The following NSD1 variants were observed in gnomAD, a reference collection of about 807,000 sequenced individuals.
NSD1 encodes the protein histone-lysine N-methyltransferase, H3 lysine-36 specific.
A neutral mutation model predicts 242.7 loss-of-function variants in NSD1; 26 were observed. The ratio of observed to expected loss-of-function variants is 0.11; its 90% confidence interval spans 0.08 to 0.15. NSD1 has a LOEUF of 0.15. NSD1 is among the 10% of genes least tolerant of loss of function. The pLI is 1.00. For synonymous variants in NSD1, 1,106 were observed against 1,178.1 expected, an observed-to-expected ratio of 0.94 and a Z score of 1.25; for missense variants, 2,495 against 3,272.8, an observed-to-expected ratio of 0.76 and a Z score of 5.80.
Position 177,235,887 on chromosome 5 carries a change from A to G in NSD1, c.3863A>G (p.Tyr1288Cys). ...SKWLLEYTEE[Y>C]DQIFAPKKKQ... is the part of the protein sequence containing the mutation. Reference sequence around the variant, plus strand: ...TGGCTTTTGGAATATACAGAAGAATATGATCAGATATTTGCTCCTAAGAAA... The same window carrying G: ...TGGCTTTTGGAATATACAGAAGAATGTGATCAGATATTTGCTCCTAAGAAA... The change falls in exon 6 of 23, where the codon TAT (tyrosine) becomes TGT (cysteine). Residue 1288 changes from tyrosine to cysteine, a missense_variant. Tyr to Cys is a radical substitution (Grantham distance 194). Around this residue, in one of 19 missense-constraint regions of NSD1, gnomAD observed 426 missense variants for 411.4 expected, o/e 1.04. Transcript: ENST00000439151. 1.2e-6 allele frequency: 2 copies of G among 1,614,006 alleles called. No individual in the cohort carries two copies. The highest frequency in any genetic ancestry group is 1.7e-6 in the Non-Finnish European group (2 of 1,179,906).
At chr5:177,225,148 T>C (rs1002123535) in intron 5 of NSD1, among the ~76,000 whole-genome samples, 2 of 152,146 alleles carry the variant, frequency 1.3e-5, no homozygotes, top group Non-Finnish European at 2.9e-5. Context: ...GTTGATGTTT[T>C]TTGTTTTTAT....
At chr5:177,249,902 A>G (rs933854307) in intron 11 of NSD1, among the ~76,000 whole-genome samples, 2 of 152,286 alleles carry the variant, frequency 1.3e-5, no homozygotes, top group South Asian at 2.1e-4. Context: ...GCCAGGCAAC[A>G]TGGTAAAACC....
At chr5:177,204,750 A>G (rs180937697) in intron 4 of NSD1, among the ~76,000 whole-genome samples, 1 of 152,264 alleles carries the variant, frequency 6.6e-6, no homozygotes, top group African/African-American at 2.4e-5. Flanking sequence ...ATCTGTGAGA[A>G]AAGAGCTAGG....
At chr5:177,133,073 G>C (rs1393567997), upstream of NSD1, 1 of 153,434 alleles carries the variant, frequency 6.5e-6, no homozygotes, top group Non-Finnish European at 1.5e-5. This position sits in a 1 kb window ranked among gnomAD's most constrained non-coding sequence, Gnocchi z 6.2. Context: ...TGTGGGTTTG[G>C]GGTGCGGCCG....
intron 14 of NSD1, chr5:177,264,928 A>G: frequency 1.2e-6 from 1 of 855,872 alleles, no homozygotes; most frequent in South Asian, 1.3e-5. Context: ...AATGCCCCAC[A>G]AGTGTTATCA....
At chr5:177,257,812 CTTTTTTTTTATTTTATTTTATTTTAT>C (rs1329794097) in intron 13 of NSD1, among the ~76,000 whole-genome samples, 3 of 125,278 alleles carry the variant, frequency 2.4e-5, no homozygotes, top group African/African-American at 8.0e-5. Flanking sequence ...TTCCCCTGGG[CTTTTTTTTTATTTTATTTTATTTTAT>C]TTTATTTTTT....
At position 177,257,046 on chromosome 5, in the gene NSD1, C is replaced by A; in HGVS notation, c.4861C>A (p.Gln1621Lys). The A allele has an allele frequency of 6.2e-7, 1 of 1,613,928 alleles. No homozygotes were observed. The highest frequency in any genetic ancestry group is 8.5e-7 in the Non-Finnish European group (1 of 1,179,950). ...CGKFYHEECV[Q>K]KYPPTVMQNK... ...AAAGTTTTACCATGAAGAGTGTGTC[C>A]AGAAGTACCCACCCACTGTTATGCA... The change falls in exon 13 of 23, where the codon CAG becomes AAG. Residue 1621 changes from glutamine to lysine, a missense_variant. Physicochemically the swap from Gln to Lys is moderately conservative, Grantham distance 53. This residue lies in a region of NSD1 where 32 missense variants were observed against 46.9 expected (regional missense o/e 0.68). Coordinates refer to ENST00000439151, the MANE Select transcript of NSD1 (RefSeq NM_022455.5).
chr5:177,215,262 CTCTGCCTCCTGGGCTCAAGCAAT>C (rs1364805095), intron 5 of NSD1, among the ~76,000 whole-genome samples: 1 of 151,924 alleles, frequency 6.6e-6, no homozygotes, highest in African/African-American at 2.4e-5. Flanking sequence ...TCACTGTAAC[CTCTGCCTCCTGGGCTCAAGCAAT>C]TCTGCCTCAG....
rs1581567867 is a variant in NSD1, at chr5:177,295,257, C to A, written c.7889C>A (p.Ala2630Asp). 8.7e-6 allele frequency: 14 copies of A among 1,614,118 alleles called. No homozygotes were observed. The South Asian group carries it at 1.2e-4, about 14-fold the overall frequency. ...TEQSPWALGK[A>D]SSRAGLWPIV... ...CAAAGTCCCTGGGCCCTGGGAAAAG[C>A]CTCATCACGGGCAGGGCTCTGGCCC... is the stretch of plus-strand genomic sequence containing the variant. Residue 2630 changes from alanine (A) to aspartate (D), a missense_variant, in exon 23 of 23, where the codon GCC becomes GAC. Ala to Asp is a moderately radical substitution (Grantham distance 126). Transcript: ENST00000439151. The surrounding 1 kb of genome is among the most constrained non-coding windows in gnomAD (Gnocchi z 4.3).
At chr5:177,240,420 T>A (rs1243025511) in intron 8 of NSD1, among the ~76,000 whole-genome samples, 1 of 152,020 alleles carries the variant, frequency 6.6e-6, no homozygotes, top group Non-Finnish European at 1.5e-5. Flanking sequence ...TCAAGAAATC[T>A]AGTGTGATGG....
At position 177,187,329 on chromosome 5, in the gene NSD1, T is replaced by C. The variant is rs556191866; in HGVS notation, c.928-4555T>C. ...CATGTTTGCCAGGCTGGTCTTGAAC[T>C]CCTGACCTCCAGTGATTCTCCCACC... is the stretch of plus-strand genomic sequence containing the variant. On this transcript the variant is annotated intron_variant, in intron 2 of 22. Coordinates refer to ENST00000439151, the MANE Select transcript of NSD1 (RefSeq NM_022455.5). Among the ~76,000 whole-genome samples, 7 of 152,182 alleles carry C rather than the reference T, an allele frequency of 4.6e-5. No homozygotes were observed. In the East Asian group the frequency reaches 1.4e-3, roughly 30 times the overall value.
At chr5:177,167,680 A>G (rs986670324) in intron 2 of NSD1, among the ~76,000 whole-genome samples, 4 of 151,984 alleles carry the variant, frequency 2.6e-5, no homozygotes, top group African/African-American at 9.7e-5. Flanking sequence ...CTTCAGTCTT[A>G]TTTTATTTTC....
intron 5 of NSD1, among the ~76,000 whole-genome samples, chr5:177,231,644 T>G (rs528256469): frequency 6.6e-6 from 1 of 152,212 alleles, no homozygotes; most frequent in Non-Finnish European, 1.5e-5. Context: ...AGTCTCGAAC[T>G]CCTGGCCTCA....
intron 2 of NSD1, among the ~76,000 whole-genome samples, chr5:177,145,642 G>T (rs916193625): frequency 1.3e-5 from 2 of 152,138 alleles, no homozygotes; most frequent in Non-Finnish European, 2.9e-5. Flanking sequence ...GCTGGGCGTG[G>T]TGGCTCACGC....
Position 177,235,823 on chromosome 5 carries a change from G to C in NSD1, c.3799G>C (p.Val1267Leu). ...TGAATTTGTTTATCATCTTTTAGCT[G>C]TGCGGTCAGAGAAGAAACGCCTTAG... ...TPQAELPEPA[V>L]RSEKKRLRKP... is the part of the protein sequence containing the mutation. Residue 1267 changes from valine to leucine, a missense_variant and splice_region_variant, in exon 6 of 23, where the codon GTG becomes CTG. Val to Leu is a conservative substitution (Grantham distance 32). Transcript: ENST00000439151. 1 of 1,613,966 alleles carries C rather than the reference G, an allele frequency of 6.2e-7. No individual in the cohort carries two copies. The highest frequency in any genetic ancestry group is 8.5e-7 in the Non-Finnish European group (1 of 1,179,916).
At chr5:177,220,041 G>A (rs561585465) in intron 5 of NSD1, among the ~76,000 whole-genome samples, 1 of 152,050 alleles carries the variant, frequency 6.6e-6, no homozygotes, top group East Asian at 1.9e-4. Flanking sequence ...GCTGCTGTTT[G>A]GTATTGGTGT....
chr5:177,246,540 T>C (rs1766308671), intron 9 of NSD1, 138 bp from the exon 10 acceptor site: 2 of 699,634 alleles, frequency 2.9e-6, no homozygotes, highest in Admixed American at 4.2e-5. Context: ...TCTCAATTAT[T>C]ATTTCCCCCG....
chr5:177,293,907 G>C lies in NSD1; in HGVS notation c.6539G>C (p.Ser2180Thr). ...EAASFCEMCP[S>T]SFCKQHREGM... ...GCCTCCTTCTGTGAGATGTGCCCCA[G>C]CTCCTTTTGTAAGCAGCATCGAGAA... Residue 2180 changes from serine to threonine, a missense_variant, in exon 23 of 23, where the codon AGC becomes ACC. Physicochemically the swap from Ser to Thr is moderately conservative, Grantham distance 58 (BLOSUM62 1). Coordinates refer to ENST00000439151, the MANE Select transcript of NSD1 (RefSeq NM_022455.5). 6.2e-7 allele frequency: 1 copy of C among 1,614,104 alleles called. No individual in the cohort carries two copies. Among genetic ancestry groups the C allele is most frequent in the Non-Finnish European group, 8.5e-7 (1 of 1,180,024 alleles).
chr5:177,206,920 T>G lies in NSD1; in HGVS notation c.1236+2628T>G, dbSNP rs765478666. ...GATCCTTTCTTTAAGAGGAGGCTAC[T>G]CCTCTAGTTACCCTAATTTTTTTTT... is the stretch of plus-strand genomic sequence containing the variant. On this transcript the variant is annotated intron_variant, in intron 4 of 22. Transcript: ENST00000439151. Among the ~76,000 whole-genome samples, 25 of 151,794 alleles carry G rather than the reference T, an allele frequency of 1.6e-4. No individual in the cohort carries two copies. In the South Asian group the frequency reaches 4.0e-3, roughly 24 times the overall value.
Sources: allele counts gnomAD v4.1 joint callset (sites outside exome capture counted in the v4.1 genomes callset), GRCh38; gene constraint gnomAD v4.1.1; regional missense constraint gnomAD v4.1.1; non-coding constraint Gnocchi (gnomAD v3.1); transcripts MANE v1.5; gene names NCBI Gene and HGNC (gene_info 2026-07-23, HGNC 2026-07-21).